PALM2AKAP2: variants seen among roughly 807,000 people sequenced by gnomAD.
PALM2AKAP2 encodes PALM2 and AKAP2 fusion.
A neutral mutation model predicts 71.5 loss-of-function variants in PALM2AKAP2; 37 were observed. That is an observed-to-expected ratio of 0.52 (90% CI 0.40 to 0.68). PALM2AKAP2 has a LOEUF of 0.68. Among genes scored for constraint, PALM2AKAP2 ranks in the 30% least tolerant of loss-of-function variants. The pLI is 0.00. For missense variants in PALM2AKAP2, 1,224 were observed against 1,191.8 expected (o/e 1.03, Z -0.40); for synonymous variants, 468 against 478.8 (o/e 0.98, Z 0.29).
At chr9:109,809,031 G>T (rs548401826) in intron 1 of PALM2AKAP2, among the ~76,000 whole-genome samples, 1 of 152,236 alleles carries the variant, frequency 6.6e-6, no homozygotes, top group Non-Finnish European at 1.5e-5. Flanking sequence ...GCCTGGATGT[G>T]CAGGTAGAGG....
intron 1 of PALM2AKAP2, among the ~76,000 whole-genome samples, chr9:109,733,027 A>G (rs1828579611): frequency 6.6e-6 from 1 of 152,112 alleles, no homozygotes; most frequent in Non-Finnish European, 1.5e-5. Context: ...TAATATTGAG[A>G]GGCTCAAGTT....
At chr9:110,147,909 A>T (rs1836218357) in intron 2 of PALM2AKAP2, among the ~76,000 whole-genome samples, 1 of 152,222 alleles carries the variant, frequency 6.6e-6, no homozygotes, top group African/African-American at 2.4e-5. Flanking sequence ...TTTTTCAGTT[A>T]CTTCCTTAGA....
chr9:109,924,972 A>G (rs112363355), intron 4 of PALM2AKAP2, 89 bp from the exon 5 acceptor site: 2 of 1,592,760 alleles, frequency 1.3e-6, no homozygotes, highest in African/African-American at 2.7e-5. Context: ...GGCATGGGAG[A>G]AAGATGGGTT....
chr9:109,780,672 G>A, intron 1 of PALM2AKAP2, 139 bp downstream of exon 1: 2 of 1,286,176 alleles, frequency 1.6e-6, no homozygotes, highest in African/African-American at 1.5e-5. Flanking sequence ...TCAGGGCTCA[G>A]CTAGGCTGCC....
chr9:110,057,996 G>A (rs1833881832), intron 1 of PALM2AKAP2, among the ~76,000 whole-genome samples: 1 of 152,192 alleles, frequency 6.6e-6, no homozygotes, highest in Non-Finnish European at 1.5e-5. Context: ...GGTGCTACTA[G>A]AATCTGATGG....
At chr9:110,048,867 A>G in intron 1 of PALM2AKAP2, 1 of 1,522,152 alleles carries the variant, frequency 6.6e-7, no homozygotes, top group Non-Finnish European at 8.8e-7. Context: ...TGGGTGTCCA[A>G]GCTGGGGAGG....
intron 7 of PALM2AKAP2, chr9:110,024,778 C>A (rs1833144180): frequency 4.7e-6 from 3 of 633,054 alleles, no homozygotes; most frequent in East Asian, 2.8e-5. Context: ...CAGAGTATGA[C>A]CCTGTCTTAA....
chr9:109,702,269 C>G (rs1158324313), intron 1 of PALM2AKAP2, among the ~76,000 whole-genome samples: 1 of 152,140 alleles, frequency 6.6e-6, no homozygotes, highest in Non-Finnish European at 1.5e-5. Flanking sequence ...ATAAATCATG[C>G]TGCTATAAAG....
chr9:109,824,780 G>A (rs942759921), intron 1 of PALM2AKAP2, among the ~76,000 whole-genome samples: 1 of 152,354 alleles, frequency 6.6e-6, no homozygotes, highest in South Asian at 2.1e-4. Context: ...TCTATTAAGA[G>A]ATTTAACAGC....
intron 1 of PALM2AKAP2, among the ~76,000 whole-genome samples, chr9:109,821,701 G>A (rs1020574025): frequency 6.6e-6 from 1 of 152,156 alleles, no homozygotes; most frequent in Non-Finnish European, 1.5e-5. Context: ...GTGTCCTCTG[G>A]CTAGTAAGGG....
chr9:109,672,657 T>C (rs1046919285), intron 1 of PALM2AKAP2, among the ~76,000 whole-genome samples: 1 of 152,144 alleles, frequency 6.6e-6, no homozygotes, highest in African/African-American at 2.4e-5. Flanking sequence ...GCTCATTTTT[T>C]GGGAATAGTT....
chr9:109,761,388 G>C (rs541785411), intron 1 of PALM2AKAP2, among the ~76,000 whole-genome samples: 1 of 151,954 alleles, frequency 6.6e-6, no homozygotes, highest in East Asian at 1.9e-4. Flanking sequence ...TTTAAGTTTC[G>C]GGATACATGT....
At chr9:109,704,597 C>G (rs1828113264) in intron 1 of PALM2AKAP2, among the ~76,000 whole-genome samples, 1 of 152,124 alleles carries the variant, frequency 6.6e-6, no homozygotes, top group East Asian at 1.9e-4. Flanking sequence ...TACAGGGAGC[C>G]AGAGGGTGGC....
chr9:109,954,127 A>G (rs561024307), intron 6 of PALM2AKAP2, among the ~76,000 whole-genome samples: 1 of 152,196 alleles, frequency 6.6e-6, no homozygotes, highest in South Asian at 2.1e-4. Flanking sequence ...TTTTTCCTTC[A>G]CCATTCATAA....
intron 1 of PALM2AKAP2, among the ~76,000 whole-genome samples, chr9:109,835,281 G>A (rs776931020): frequency 7.4e-6 from 1 of 134,632 alleles, no homozygotes; most frequent in Non-Finnish European, 1.6e-5. Flanking sequence ...GGGTGGAGAG[G>A]TAGAGGGGAG....
At chr9:110,032,415 G>T (rs527879579) in intron 7 of PALM2AKAP2, among the ~76,000 whole-genome samples, 1 of 151,964 alleles carries the variant, frequency 6.6e-6, no homozygotes, top group Non-Finnish European at 1.5e-5. Context: ...AAAAACCGCC[G>T]GGTGCGGTGG....
rs1300488273 is a variant in PALM2AKAP2, at chr9:110,136,335, C to T, written c.365C>T (p.Pro122Leu). The change falls in exon 2 of 4, where the codon CCG becomes CTG. Residue 122 changes from proline to leucine, a missense_variant. Coordinates refer to ENST00000374525, the Ensembl canonical transcript of PALM2AKAP2. ...CATCCCTCCGCTTTCTATTCACCCC[C>T]GCATAATGGCCTCCTTACTGATCAC... The T allele has an allele frequency of 1.6e-5, 26 of 1,614,070 alleles. No homozygotes were observed. The highest frequency in any genetic ancestry group is 1.6e-4 in the Middle Eastern group (1 of 6,084).
intron 2 of PALM2AKAP2, among the ~76,000 whole-genome samples, chr9:110,144,231 C>T (rs1836105920): frequency 6.6e-6 from 1 of 152,346 alleles, no homozygotes; most frequent in Admixed American, 6.5e-5. Context: ...AGCTCTCCAT[C>T]AGTAGTACAC....
At chr9:110,014,323 A>G (rs1454192451) in intron 6 of PALM2AKAP2, among the ~76,000 whole-genome samples, 2 of 152,188 alleles carry the variant, frequency 1.3e-5, no homozygotes, top group African/African-American at 2.4e-5. Flanking sequence ...TTTTTAATAC[A>G]TTAGGTTATG....
Sources: gnomAD v4.1 joint callset for allele counts (sites outside exome capture counted in the v4.1 genomes callset) on GRCh38, gnomAD v4.1.1 for gene constraint, MANE v1.5 for transcripts, NCBI Gene and HGNC (gene_info 2026-07-23, HGNC 2026-07-21) for gene names.